PTPRD: variants seen among roughly 807,000 people sequenced by gnomAD.
PTPRD encodes protein tyrosine phosphatase receptor type D.
PTPRD carries 34 observed loss-of-function variants against 214.5 expected under a neutral mutation model. The ratio of observed to expected loss-of-function variants is 0.16; its 90% CI spans 0.12 to 0.21. The LOEUF (loss-of-function observed/expected upper bound fraction) is 0.21, where lower values mean the gene tolerates loss of function less well. PTPRD is among the 10% of genes least tolerant of loss of function. The pLI is 1.00. For synonymous variants in PTPRD, 1,128 were observed against 845.7 expected, an observed-to-expected ratio of 1.33 and a Z score of -5.79; for missense variants, 2,545 against 2,398.7, an observed-to-expected ratio of 1.06 and a Z score of -1.27.
chr9:10,164,752 C>T (rs949267373), intron 3 of PTPRD, among the ~76,000 whole-genome samples: 1 of 151,322 alleles, frequency 6.6e-6, no homozygotes, highest in South Asian at 2.1e-4. Context: ...ACACATACAT[C>T]CAGGTTTGAT....
At chr9:9,380,890 T>A (rs567552600) in intron 9 of PTPRD, among the ~76,000 whole-genome samples, 2 of 152,316 alleles carry the variant, frequency 1.3e-5, no homozygotes, top group South Asian at 2.1e-4. Context: ...ATGTTAATAA[T>A]TGTTACGTCT....
intron 39 of PTPRD, among the ~76,000 whole-genome samples, chr9:8,354,201 T>G (rs10739161): frequency 6.6e-6 from 1 of 151,680 alleles, no homozygotes; most frequent in Non-Finnish European, 1.5e-5. Context: ...TTTTCATAAC[T>G]TTTCTATTGT....
intron 4 of PTPRD, among the ~76,000 whole-genome samples, chr9:9,961,817 A>G (rs955586489): frequency 2.6e-5 from 4 of 152,158 alleles, no homozygotes; most frequent in African/African-American, 4.8e-5. Flanking sequence ...ACAGTCCATT[A>G]AAATGCAAAA....
At chr9:8,582,652 C>G (rs748695555) in intron 14 of PTPRD, among the ~76,000 whole-genome samples, 2 of 152,054 alleles carry the variant, frequency 1.3e-5, no homozygotes, top group Non-Finnish European at 2.9e-5. Context: ...CTACTAGGCA[C>G]CAGTGGGGGG....
chr9:9,954,071 T>G (rs932342114), intron 4 of PTPRD, among the ~76,000 whole-genome samples: 2 of 151,632 alleles, frequency 1.3e-5, no homozygotes, highest in Non-Finnish European at 2.9e-5. Flanking sequence ...CGGAGGCAGG[T>G]GGATCACTGA....
chr9:8,386,536 A>G (rs767269200), intron 37 of PTPRD, among the ~76,000 whole-genome samples: 1 of 152,168 alleles, frequency 6.6e-6, no homozygotes, highest in Non-Finnish European at 1.5e-5. Context: ...TGTTTACGTT[A>G]CCTGGACTAC....
At chr9:9,186,866 T>C (rs981644128) in intron 9 of PTPRD, among the ~76,000 whole-genome samples, 1 of 152,008 alleles carries the variant, frequency 6.6e-6, no homozygotes, top group Non-Finnish European at 1.5e-5. Flanking sequence ...ATTATCTAGA[T>C]GATGTTTATA....
chr9:9,390,247 C>A (rs538722285), intron 9 of PTPRD, among the ~76,000 whole-genome samples: 1 of 152,178 alleles, frequency 6.6e-6, no homozygotes, highest in East Asian at 1.9e-4. Flanking sequence ...AGGTGATGGG[C>A]AACTTTGAAG....
chr9:9,139,840 T>C (rs2099857050), intron 10 of PTPRD, among the ~76,000 whole-genome samples: 1 of 152,196 alleles, frequency 6.6e-6, no homozygotes, highest in Non-Finnish European at 1.5e-5. Flanking sequence ...AGGTTGTGAT[T>C]GAACTATTCT....
At position 9,993,471 on chromosome 9, in the gene PTPRD, A is replaced by G. The variant is rs538716577; in HGVS notation, c.-472+40247T>C. On this transcript the variant is annotated intron_variant, in intron 4 of 45. Coordinates refer to ENST00000381196, the MANE Select transcript of PTPRD (RefSeq NM_002839.4). ...TCTTATAATAAAATATTAAGCAGCA[A>G]TGAAAATAGATGTGCTACAACCATG... Among the ~76,000 whole-genome samples, 6 of 152,360 alleles carry G rather than the reference A, an allele frequency of 3.9e-5. No homozygotes were observed. The East Asian group carries it at 1.2e-3, about 29-fold the overall frequency.
chr9:9,160,943 A>C (rs113799871), intron 10 of PTPRD, among the ~76,000 whole-genome samples: 1 of 152,180 alleles, frequency 6.6e-6, no homozygotes, highest in African/African-American at 2.4e-5. Flanking sequence ...CAAATACCAC[A>C]TGATCTCACT....
At chr9:9,934,086 G>A (rs2088054107) in intron 5 of PTPRD, among the ~76,000 whole-genome samples, 1 of 149,918 alleles carries the variant, frequency 6.7e-6, no homozygotes, top group African/African-American at 2.5e-5. Context: ...GCAGTGTGTA[G>A]AGGGAAATTT....
At chr9:8,876,398 C>T (rs2098390839) in intron 11 of PTPRD, among the ~76,000 whole-genome samples, 1 of 152,140 alleles carries the variant, frequency 6.6e-6, no homozygotes, top group South Asian at 2.1e-4. Context: ...CTTTTAAACA[C>T]TGGAAATAGA....
At chr9:9,500,165 A>G (rs1471580532) in intron 8 of PTPRD, among the ~76,000 whole-genome samples, 9 of 152,052 alleles carry the variant, frequency 5.9e-5, no homozygotes, top group African/African-American at 2.2e-4. Flanking sequence ...TTCAGGAGCT[A>G]TTTTATGAAA....
chr9:10,198,025 T>C (rs1159706268), intron 3 of PTPRD, among the ~76,000 whole-genome samples: 4 of 152,154 alleles, frequency 2.6e-5, no homozygotes, highest in Non-Finnish European at 5.9e-5. Flanking sequence ...ATTTAATCTT[T>C]TAAAATTGTT....
At chr9:9,715,972 T>A (rs1441301965) in intron 7 of PTPRD, among the ~76,000 whole-genome samples, 1 of 152,140 alleles carries the variant, frequency 6.6e-6, no homozygotes, top group Non-Finnish European at 1.5e-5. Context: ...CATCTAGCAT[T>A]AGGTATATGT....
chr9:9,054,665 C>T (rs769936219), intron 10 of PTPRD, among the ~76,000 whole-genome samples: 9 of 152,274 alleles, frequency 5.9e-5, no homozygotes, highest in South Asian at 2.1e-4. Flanking sequence ...GAGCTTGGAA[C>T]TATTCACTAT....
chr9:10,143,803 G>A (rs990387309), intron 3 of PTPRD, among the ~76,000 whole-genome samples: 1 of 152,002 alleles, frequency 6.6e-6, no homozygotes, highest in South Asian at 2.1e-4. Flanking sequence ...TAACACAGAA[G>A]CAGAAAGCCA....
intron 23 of PTPRD, among the ~76,000 whole-genome samples, 181 bp downstream of exon 23, chr9:8,504,080 G>T (rs1034432290): frequency 6.6e-6 from 1 of 152,100 alleles, no homozygotes; most frequent in Admixed American, 6.5e-5. Context: ...CTGTTATTTG[G>T]ATCAAGTGAT....
Sources: allele counts gnomAD v4.1 joint callset (sites outside exome capture counted in the v4.1 genomes callset), GRCh38; gene constraint gnomAD v4.1.1; transcripts MANE v1.5; gene names NCBI Gene and HGNC (gene_info 2026-07-23, HGNC 2026-07-21).